The following WDPCP variants were observed in gnomAD, a reference collection of about 807,000 sequenced individuals.
The protein encoded by WDPCP is WD repeat-containing and planar cell polarity effector protein fritz homolog.
Under a neutral mutation model 93.1 loss-of-function variants are expected in WDPCP, and 71 were observed. The observed-to-expected ratio is 0.76, with a 90% CI of 0.63 to 0.93. The LOEUF (loss-of-function observed/expected upper bound fraction) is 0.93, where lower values mean the gene tolerates loss of function less well. Ranked by LOEUF, WDPCP falls within the 40% of genes least tolerant of loss-of-function variation. The pLI, the probability that WDPCP is intolerant of heterozygous loss-of-function variation, is 0.00. For synonymous variants in WDPCP, 315 were observed against 315.0 expected, an observed-to-expected ratio of 1.00 and a Z score of 0.00; for missense variants, 844 against 887.4, an observed-to-expected ratio of 0.95 and a Z score of 0.62.
At chr2:63,639,391 C>T (rs1295611254) in intron 3 of WDPCP, among the ~76,000 whole-genome samples, 1 of 152,182 alleles carries the variant, frequency 6.6e-6, no homozygotes, top group South Asian at 2.1e-4. Context: ...AGCAACTCTC[C>T]TGCCTCAGCC....
chr2:63,234,445 T>G (rs902825686), intron 14 of WDPCP, among the ~76,000 whole-genome samples: 1 of 152,082 alleles, frequency 6.6e-6, no homozygotes, highest in African/African-American at 2.4e-5. Flanking sequence ...CAGAGCAAGA[T>G]TTCATCTCTT....
rs535765213 is a variant in WDPCP at position 63,615,606 on chromosome 2, A to C, written n.488+35053T>G. ...CCCTTGCATTTCCCTGCAGAATGGCAACACTTTTGGGGACCCCACTCTGCA... is the reference window on the plus strand; with the variant it reads ...CCCTTGCATTTCCCTGCAGAATGGCCACACTTTTGGGGACCCCACTCTGCA... On this transcript the variant is annotated intron_variant and non_coding_transcript_variant, in intron 3 of 4. Transcript: ENST00000467687. 1.2e-4 allele frequency among the ~76,000 whole-genome samples: 18 copies of C among 152,256 alleles called. No homozygotes were observed. The South Asian group carries it at 1.7e-3, about 14-fold the overall frequency.
At chr2:63,588,589 G>A, upstream of WDPCP, 2 of 527,958 alleles carry the variant, frequency 3.8e-6, no homozygotes, top group Non-Finnish European at 3.4e-6. Context: ...ACCCTCATGG[G>A]AGGATGCAGT....
chr2:63,132,470 A>G (rs974477533), intron 17 of WDPCP, among the ~76,000 whole-genome samples: 4 of 150,598 alleles, frequency 2.7e-5, no homozygotes, highest in African/African-American at 9.8e-5. Flanking sequence ...GATCTTCATA[A>G]TGGATATATT....
At chr2:63,231,125 A>C (rs987889635) in intron 14 of WDPCP, among the ~76,000 whole-genome samples, 14 of 152,304 alleles carry the variant, frequency 9.2e-5, no homozygotes, top group Admixed American at 2.6e-4. Context: ...TCCATCATAT[A>C]AACAGAACCA....
At chr2:63,360,268 T>A (rs1258745988) in intron 12 of WDPCP, among the ~76,000 whole-genome samples, 5 of 152,230 alleles carry the variant, frequency 3.3e-5, no homozygotes, top group Non-Finnish European at 7.3e-5. Context: ...CTGTGTCTTG[T>A]TATAATTGCA....
At chr2:63,273,771 G>T (rs1219570785) in intron 13 of WDPCP, among the ~76,000 whole-genome samples, 1 of 151,620 alleles carries the variant, frequency 6.6e-6, no homozygotes, top group African/African-American at 2.4e-5. Context: ...CAGCAAGAGG[G>T]TCTAACAACT....
chr2:63,196,271 G>C (rs1260445950), intron 14 of WDPCP, among the ~76,000 whole-genome samples: 1 of 152,182 alleles, frequency 6.6e-6, no homozygotes, highest in Non-Finnish European at 1.5e-5. Flanking sequence ...CAATGGACTG[G>C]GGATCTGCAG....
At chr2:63,824,652 C>A (rs553892759) in intron 1 of WDPCP, among the ~76,000 whole-genome samples, 3 of 150,796 alleles carry the variant, frequency 2.0e-5, no homozygotes, top group African/African-American at 4.9e-5. Flanking sequence ...ATACTGTATG[C>A]CAAATTAAAA....
intron 2 of WDPCP, among the ~76,000 whole-genome samples, chr2:63,734,858 G>T (rs1384540645): frequency 1.5e-5 from 2 of 136,044 alleles, no homozygotes; most frequent in Admixed American, 7.8e-5. Context: ...TAGATAGATG[G>T]AGATAGATAG....
chr2:63,517,983 A>T (rs1489006734), intron 1 of WDPCP: 2 of 152,056 alleles, frequency 1.3e-5, no homozygotes, highest in East Asian at 3.9e-4. Context: ...CTGCCTCCCA[A>T]GTTCAAGCGA....
chr2:63,509,462 A>G (rs1702086172), intron 1 of WDPCP, among the ~76,000 whole-genome samples: 1 of 152,220 alleles, frequency 6.6e-6, no homozygotes, highest in Non-Finnish European at 1.5e-5. Flanking sequence ...ATAGCACTAC[A>G]TGCCCACAAG....
intron 14 of WDPCP, among the ~76,000 whole-genome samples, chr2:63,214,977 C>T (rs1429319356): frequency 6.6e-6 from 1 of 152,090 alleles, no homozygotes; most frequent in Non-Finnish European, 1.5e-5. Flanking sequence ...TAAAAGAGGA[C>T]ACAAACAAAT....
At chr2:63,533,097 T>C (rs1375746674) in intron 1 of WDPCP, among the ~76,000 whole-genome samples, 2 of 151,818 alleles carry the variant, frequency 1.3e-5, no homozygotes, top group East Asian at 1.9e-4. Context: ...CCAACAAAGA[T>C]CAAAAGAGAC....
intron 1 of WDPCP, among the ~76,000 whole-genome samples, chr2:63,583,009 A>G (rs1375383443): frequency 1.3e-5 from 2 of 152,196 alleles, no homozygotes; most frequent in Non-Finnish European, 2.9e-5. Flanking sequence ...AACCATATTG[A>G]TGAATATTTA....
chr2:63,660,442 T>C (rs540646218), intron 2 of WDPCP, among the ~76,000 whole-genome samples: 1 of 152,278 alleles, frequency 6.6e-6, no homozygotes, highest in East Asian at 1.9e-4. Flanking sequence ...AGAAGAGTAG[T>C]TTTACTAAGA....
intron 14 of WDPCP, among the ~76,000 whole-genome samples, chr2:63,186,851 A>G (rs548242607): frequency 6.7e-6 from 1 of 149,276 alleles, no homozygotes; most frequent in Non-Finnish European, 1.5e-5. Context: ...GAAGCATGCT[A>G]AAAGAGTCTC....
At chr2:63,322,681 G>C (rs1575139943) in intron 12 of WDPCP, among the ~76,000 whole-genome samples, 1 of 152,092 alleles carries the variant, frequency 6.6e-6, no homozygotes, top group Middle Eastern at 3.4e-3. Context: ...CCATCTTTAA[G>C]AACTGTAACA....
intron 14 of WDPCP, among the ~76,000 whole-genome samples, chr2:63,211,699 G>A (rs900839323): frequency 3.3e-5 from 5 of 152,230 alleles, no homozygotes; most frequent in East Asian, 3.9e-4. Context: ...TGAACCCATC[G>A]CAAAGAAGCT....
Sources: allele counts gnomAD v4.1 joint callset (sites outside exome capture counted in the v4.1 genomes callset), GRCh38; gene constraint gnomAD v4.1.1; transcripts MANE v1.5; gene names NCBI Gene and HGNC (gene_info 2026-07-23, HGNC 2026-07-21).